The following CRISP1 variants were observed in gnomAD, a reference collection of about 807,000 sequenced individuals.
CRISP1 encodes cysteine-rich secretory protein 1.
A neutral mutation model predicts 33.1 loss-of-function variants in CRISP1; 44 were observed. The observed-to-expected ratio is 1.33, with a 90% confidence interval of 1.05 to 1.71. The LOEUF is 1.71. CRISP1 is among the 40% of genes most tolerant of loss of function. The pLI is 0.00. For missense variants in CRISP1, 390 were observed against 301.2 expected, an observed-to-expected ratio of 1.29 and a Z score of -2.18; for synonymous variants, 103 against 98.7, an observed-to-expected ratio of 1.04 and a Z score of -0.26.
At chr6:49,836,123 C>T (rs1424587037) in intron 7 of CRISP1, among the ~76,000 whole-genome samples, 3 of 152,082 alleles carry the variant, frequency 2.0e-5, no homozygotes, top group Non-Finnish European at 2.9e-5. Flanking sequence ...CACAACTAAC[C>T]AATGTATCTA....
chr6:49,857,995 T>C lies in CRISP1; in HGVS notation c.-2-593A>G, dbSNP rs995185030. 2.1e-4 allele frequency among the ~76,000 whole-genome samples: 32 copies of C among 152,182 alleles called. 1 individual carries two copies. The highest frequency in any genetic ancestry group is 7.0e-4 in the African/African-American group (29 of 41,456). On this transcript the variant is annotated intron_variant, in intron 1 of 7. Coordinates refer to ENST00000335847, the MANE Select transcript of CRISP1 (RefSeq NM_001131.3). ...TTTGAATTTCTGACCTCCAGAACAG[T>C]AGGATAATAAACCTGTATTTATTTT...
chr6:49,846,400 A>G, intron 5 of CRISP1, 120 bp downstream of exon 5: 8 of 1,022,124 alleles, frequency 7.8e-6, no homozygotes, highest in Non-Finnish European at 1.2e-5. Flanking sequence ...AGAGGAACTC[A>G]GTAAATTGAG....
chr6:49,847,060 C>T (rs1205929370), intron 4 of CRISP1, among the ~76,000 whole-genome samples: 2 of 152,058 alleles, frequency 1.3e-5, no homozygotes, highest in Admixed American at 6.6e-5. Flanking sequence ...GTTTATTTAG[C>T]CATTCATGTA....
At chr6:49,836,564 C>T (rs902705958) in intron 7 of CRISP1, among the ~76,000 whole-genome samples, 2 of 151,940 alleles carry the variant, frequency 1.3e-5, no homozygotes, top group African/African-American at 4.8e-5. Flanking sequence ...GGTCTACGAT[C>T]TCCTGACCTC....
At chr6:49,842,072 T>A (rs1771009381) in intron 5 of CRISP1, among the ~76,000 whole-genome samples, 1 of 152,212 alleles carries the variant, frequency 6.6e-6, no homozygotes, top group East Asian at 1.9e-4. Context: ...CTCTTTTAGA[T>A]AAAATATTGT....
intron 1 of CRISP1, among the ~76,000 whole-genome samples, chr6:49,865,511 T>C (rs1182237448): frequency 1.3e-5 from 2 of 152,216 alleles, no homozygotes; most frequent in Non-Finnish European, 2.9e-5. Flanking sequence ...AATGATTTTC[T>C]CTCATTATAG....
intron 2 of CRISP1, among the ~76,000 whole-genome samples, chr6:49,856,121 T>C (rs1771489363): frequency 6.6e-6 from 1 of 152,204 alleles, no homozygotes; most frequent in African/African-American, 2.4e-5. Context: ...TGGTTTCCCT[T>C]GGACGGGTAG....
chr6:49,863,049 G>A (rs1158368584), intron 1 of CRISP1, among the ~76,000 whole-genome samples: 1 of 152,058 alleles, frequency 6.6e-6, no homozygotes, highest in Admixed American at 6.6e-5. Context: ...CGGACATATG[G>A]GTCAAAATCA....
upstream of CRISP1, chr6:49,866,573 A>G (rs1771803036): frequency 6.6e-6 from 1 of 152,156 alleles, no homozygotes; most frequent in Non-Finnish European, 1.5e-5. Context: ...ATAACAGATC[A>G]AGGGATTTAC....
intron 2 of CRISP1, among the ~76,000 whole-genome samples, chr6:49,852,494 T>A (rs1771378381): frequency 6.6e-6 from 1 of 152,172 alleles, no homozygotes; most frequent in Non-Finnish European, 1.5e-5. Context: ...ATTCTCCACA[T>A]CTCCCACCCT....
rs1211885577 is a variant in CRISP1 at position 49,852,084 on chromosome 6, G to T, written c.112C>A (p.Pro38Thr). The T allele has an allele frequency of 6.2e-7, 1 of 1,613,004 alleles. No individual in the cohort carries two copies. The highest frequency in any genetic ancestry group is 1.3e-5 in the African/African-American group (1 of 74,822). Residue 38 changes from proline (P) to threonine (T), a missense_variant, in exon 3 of 8, where the codon CCA becomes ACA. Pro to Thr is a conservative substitution (Grantham distance 38, BLOSUM62 -1). Coordinates refer to ENST00000335847, the MANE Select transcript of CRISP1 (RefSeq NM_001131.3). ...DQFNKLVTDL[P>T]NVQEEIVNIH... ...TTAACGATCTCTTCTTGTACATTTG[G>T]CAAGTCGGTGACGAGCTTATTAAAT...
chr6:49,863,763 A>G (rs915813001), intron 1 of CRISP1, among the ~76,000 whole-genome samples: 1 of 152,248 alleles, frequency 6.6e-6, no homozygotes, highest in Admixed American at 6.5e-5. Flanking sequence ...TGACCTTCTC[A>G]GAAAGCACTT....
upstream of CRISP1, among the ~76,000 whole-genome samples, chr6:49,867,340 G>A (rs376303614): frequency 4.6e-5 from 7 of 152,148 alleles, no homozygotes; most frequent in African/African-American, 1.7e-4. Flanking sequence ...GTATATGTGA[G>A]TGCATGGTCG....
Position 49,846,408 on chromosome 6 carries a change from G to A in CRISP1, c.435+112C>T. The A allele has an allele frequency of 1.4e-5, 16 of 1,108,612 alleles. 1 individual carries two copies. In the South Asian group the frequency reaches 2.6e-4, roughly 18 times the overall value. 68.7% of individuals were successfully genotyped at this position (1,108,612 alleles called of 1,614,324 possible). A position where few individuals can be genotyped will look rare whatever the true frequency, so the allele number is the denominator to read the frequency against. ...AATTATAAGAGGAACTCAGTAAATTGAGTAAAGATTGCCATAAGAAGGTAG... is the reference window on the plus strand; with the variant it reads ...AATTATAAGAGGAACTCAGTAAATTAAGTAAAGATTGCCATAAGAAGGTAG... On this transcript the variant is annotated intron_variant, in intron 5 of 7. Transcript: ENST00000335847.
At chr6:49,838,331 T>C (rs926991863) in intron 7 of CRISP1, 106 bp downstream of exon 7, 2 of 799,316 alleles carry the variant, frequency 2.5e-6, no homozygotes, top group Non-Finnish European at 4.1e-6. Flanking sequence ...ATGAATGAGA[T>C]GAAAGTTGTA....
chr6:49,866,879 T>C (rs180810815), upstream of CRISP1, among the ~76,000 whole-genome samples: 6 of 152,280 alleles, frequency 3.9e-5, no homozygotes, highest in East Asian at 1.2e-3. Context: ...AGATGATTTA[T>C]GCTCTCTTCT....
intron 1 of CRISP1, among the ~76,000 whole-genome samples, chr6:49,876,002 C>T (rs190227204): frequency 2.2e-4 from 33 of 152,060 alleles, no homozygotes; most frequent in Admixed American, 1.2e-3. Flanking sequence ...GATGTCATGA[C>T]GAAAATGCCA....
At chr6:49,847,557 G>T (rs1487593142) in intron 4 of CRISP1, among the ~76,000 whole-genome samples, 3 of 152,092 alleles carry the variant, frequency 2.0e-5, no homozygotes, top group Admixed American at 6.6e-5. Context: ...CTCACCAAAA[G>T]CCAAGTAGAT....
intron 1 of CRISP1, among the ~76,000 whole-genome samples, chr6:49,865,656 C>G (rs545306917): frequency 6.6e-6 from 1 of 152,004 alleles, no homozygotes; most frequent in South Asian, 2.1e-4. Context: ...TCAGAGAGTA[C>G]AAAGCATTAA....
Sources: allele counts gnomAD v4.1 joint callset (sites outside exome capture counted in the v4.1 genomes callset), GRCh38; gene constraint gnomAD v4.1.1; transcripts MANE v1.5; gene names NCBI Gene and HGNC (gene_info 2026-07-23, HGNC 2026-07-21).